ITFG1: variants seen among roughly 807,000 people sequenced by gnomAD.
ITFG1 encodes the protein integrin alpha FG-GAP repeat containing 1.
In ITFG1, 34 loss-of-function variants were observed where a neutral mutation model predicts 81.8. That is an observed-to-expected ratio of 0.42 (90% CI 0.32 to 0.55). The LOEUF (loss-of-function observed/expected upper bound fraction) is 0.55, where lower values mean the gene tolerates loss of function less well. Ranked by LOEUF, ITFG1 falls within the 20% of genes least tolerant of loss-of-function variation. ITFG1 has a pLI of 0.17. For synonymous variants in ITFG1, 285 were observed against 270.6 expected, an observed-to-expected ratio of 1.05 and a Z score of -0.52; for missense variants, 672 against 755.4, an observed-to-expected ratio of 0.89 and a Z score of 1.29.
At chr16:47,292,324 T>C (rs2151555318) in intron 10 of ITFG1, among the ~76,000 whole-genome samples, 1 of 152,342 alleles carries the variant, frequency 6.6e-6, no homozygotes, top group Non-Finnish European at 1.5e-5. Flanking sequence ...TCCTTGCTTT[T>C]TAATGTGTTT....
intron 6 of ITFG1, among the ~76,000 whole-genome samples, chr16:47,408,630 A>C (rs1031996405): frequency 3.9e-5 from 6 of 152,256 alleles, no homozygotes; most frequent in South Asian, 2.1e-4. Context: ...TTCCAAAAAA[A>C]AAGAAAGCAA....
rs528338266 is a variant in ITFG1, at chr16:47,315,799, A to T, written c.803-1976T>A. On this transcript the variant is annotated intron_variant, in intron 8 of 17. Coordinates refer to ENST00000320640, the MANE Select transcript of ITFG1 (RefSeq NM_030790.5). ...TATATACACATATATATAATTTATT[A>T]TTTTTTTTTGAGGCAGAGTCTTGCT... is the stretch of plus-strand genomic sequence containing the variant. Among the ~76,000 whole-genome samples, 1,228 of 150,300 alleles carry T rather than the reference A, an allele frequency of 8.2e-3. 16 individuals carry two copies. The highest frequency in any genetic ancestry group is 0.029 in the African/African-American group (1,183 of 40,540).
intron 8 of ITFG1, among the ~76,000 whole-genome samples, chr16:47,320,599 C>G (rs940223664): frequency 3.3e-5 from 5 of 152,116 alleles, no homozygotes; most frequent in Admixed American, 1.3e-4. Context: ...TGTCTTTTAT[C>G]TGTAAAATGA....
chr16:47,309,395 G>C (rs989863401), intron 10 of ITFG1, among the ~76,000 whole-genome samples: 1 of 152,034 alleles, frequency 6.6e-6, no homozygotes, highest in Admixed American at 6.5e-5. Flanking sequence ...TATAGTACCA[G>C]TGTTAATCAA....
At chr16:47,444,787 C>A (rs928072766) in intron 5 of ITFG1, among the ~76,000 whole-genome samples, 5 of 152,066 alleles carry the variant, frequency 3.3e-5, no homozygotes, top group Non-Finnish European at 5.9e-5. Flanking sequence ...ATCATTTTAC[C>A]TTCCAAAATC....
intron 4 of ITFG1, among the ~76,000 whole-genome samples, chr16:47,452,352 G>C (rs1053555802): frequency 6.6e-6 from 1 of 152,232 alleles, no homozygotes; most frequent in African/African-American, 2.4e-5. Context: ...CAAAGCAGGA[G>C]TTATATTATA....
At chr16:47,372,468 T>A (rs2151589543) in intron 7 of ITFG1, among the ~76,000 whole-genome samples, 3 of 152,062 alleles carry the variant, frequency 2.0e-5, no homozygotes, top group Non-Finnish European at 4.4e-5. Context: ...TTTTTTTTTT[T>A]TATTTTTTGA....
At chr16:47,425,701 T>A (rs1212190307) in intron 6 of ITFG1, 1 of 151,676 alleles carries the variant, frequency 6.6e-6, no homozygotes, top group Non-Finnish European at 1.5e-5. Context: ...CAAGTGATTC[T>A]CCTACCTCAG....
intron 10 of ITFG1, among the ~76,000 whole-genome samples, chr16:47,276,554 CAAG>C (rs1966401118): frequency 6.6e-6 from 1 of 152,060 alleles, no homozygotes. Context: ...GACAAAGGGA[CAAG>C]AATAGTCAAG....
intron 8 of ITFG1, among the ~76,000 whole-genome samples, chr16:47,357,531 C>T (rs964281272): frequency 3.4e-5 from 5 of 148,236 alleles, no homozygotes; most frequent in South Asian, 2.1e-4. Context: ...AGAAGAATGG[C>T]GTGAACCTGG....
At chr16:47,291,106 A>C (rs532559762) in intron 10 of ITFG1, among the ~76,000 whole-genome samples, 1 of 152,092 alleles carries the variant, frequency 6.6e-6, no homozygotes, top group Admixed American at 6.5e-5. Context: ...TCTAGGAAAG[A>C]CATTATTTCT....
rs927017860 is a variant in ITFG1, at chr16:47,271,783, C to T, written c.1071-11088G>A. ...CTGAGGCAGGAGAATGGTGTGAACC[C>T]GGGAGGCAGAGCTTGCAGTGAACTG... On this transcript the variant is annotated intron_variant, in intron 10 of 17. Coordinates refer to ENST00000320640, the MANE Select transcript of ITFG1 (RefSeq NM_030790.5). Among the ~76,000 whole-genome samples the T allele has an allele frequency of 3.3e-5, 5 of 152,080 alleles. No individual in the cohort carries two copies. The East Asian group carries it at 7.7e-4, about 23-fold the overall frequency.
At chr16:47,363,312 T>C (rs909184311) in intron 8 of ITFG1, among the ~76,000 whole-genome samples, 1 of 152,226 alleles carries the variant, frequency 6.6e-6, no homozygotes, top group Non-Finnish European at 1.5e-5. Flanking sequence ...GTCTAACTTT[T>C]ACATTTTATT....
intron 6 of ITFG1, among the ~76,000 whole-genome samples, chr16:47,414,011 G>A (rs888938854): frequency 6.6e-6 from 1 of 151,716 alleles, no homozygotes; most frequent in African/African-American, 2.4e-5. Flanking sequence ...AGTAGAGTCG[G>A]GGTTTCACCA....
intron 15 of ITFG1, 50 bp from the exon 16 acceptor site, chr16:47,161,882 C>G (rs1430554284): frequency 9.6e-7 from 1 of 1,037,928 alleles, no homozygotes; most frequent in African/African-American, 1.6e-5. Context: ...TTAAAAAACA[C>G]AATTATTATT....
intron 11 of ITFG1, among the ~76,000 whole-genome samples, chr16:47,259,184 C>T (rs1268155498): frequency 6.6e-6 from 1 of 152,022 alleles, no homozygotes; most frequent in Non-Finnish European, 1.5e-5. Context: ...ATTGATATTC[C>T]TTTGATTCTT....
chr16:47,249,201 T>C (rs994402665), intron 12 of ITFG1, among the ~76,000 whole-genome samples: 1 of 152,170 alleles, frequency 6.6e-6, no homozygotes, highest in African/African-American at 2.4e-5. Flanking sequence ...GCGGATCACT[T>C]GAAGTCAGGA....
intron 8 of ITFG1, among the ~76,000 whole-genome samples, chr16:47,328,624 A>T (rs1421994122): frequency 6.6e-6 from 1 of 152,154 alleles, no homozygotes; most frequent in African/African-American, 2.4e-5. Context: ...TAATTAGCTT[A>T]AACATTCTTA....
chr16:47,255,056 C>T (rs1304300103), intron 12 of ITFG1, among the ~76,000 whole-genome samples: 1 of 152,098 alleles, frequency 6.6e-6, no homozygotes, highest in African/African-American at 2.4e-5. Context: ...CACTGCACTC[C>T]AGTCTGGGCA....
Sources: allele counts gnomAD v4.1 joint callset (sites outside exome capture counted in the v4.1 genomes callset), GRCh38; gene constraint gnomAD v4.1.1; transcripts MANE v1.5; gene names NCBI Gene and HGNC (gene_info 2026-07-23, HGNC 2026-07-21).